The following NANS variants were observed in gnomAD, a reference collection of about 807,000 sequenced individuals.
The protein encoded by NANS is N-acetylneuraminate-9-phosphate synthase.
Under a neutral mutation model 33.3 loss-of-function variants are expected in NANS, and 29 were observed. That is an observed-to-expected ratio of 0.87 (90% CI 0.65 to 1.19). The LOEUF (loss-of-function observed/expected upper bound fraction) is 1.19, where lower values mean the gene tolerates loss of function less well. Among genes scored for constraint, NANS ranks in the 50% most tolerant of loss-of-function variants. The pLI, the probability that NANS is intolerant of heterozygous loss-of-function variation, is 0.00. For synonymous variants in NANS, 163 were observed against 177.2 expected (o/e 0.92, Z 0.64); for missense variants, 394 against 461.1 (o/e 0.85, Z 1.33).
chr9:98,061,793 TTAA>T (rs201705317), intron 2 of NANS, among the ~76,000 whole-genome samples: 40 of 146,430 alleles, frequency 2.7e-4, no homozygotes, highest in South Asian at 6.5e-4. Flanking sequence ...AAAAAAAAAA[TTAA>T]TAATAATAAT....
At chr9:98,067,993 A>T (rs1829199631) in intron 2 of NANS, among the ~76,000 whole-genome samples, 1 of 152,108 alleles carries the variant, frequency 6.6e-6, no homozygotes, top group Non-Finnish European at 1.5e-5. Flanking sequence ...AAGTGCTGGG[A>T]TTACAGGCAT....
At chr9:98,071,255 T>C (rs546491398) in intron 2 of NANS, among the ~76,000 whole-genome samples, 31 of 152,322 alleles carry the variant, frequency 2.0e-4, no homozygotes, top group African/African-American at 7.0e-4. Context: ...GTATGGTACA[T>C]ACCCCCGACT....
At chr9:98,061,690 G>A (rs927147441) in intron 2 of NANS, among the ~76,000 whole-genome samples, 2 of 150,660 alleles carry the variant, frequency 1.3e-5, no homozygotes, top group Admixed American at 1.3e-4. Flanking sequence ...TGAGGCAGGA[G>A]AATCGCTTGA....
chr9:98,077,050 G>A, intron 3 of NANS, 33 bp downstream of exon 3: 1 of 1,528,400 alleles, frequency 6.5e-7, no homozygotes, highest in Non-Finnish European at 9.0e-7. Flanking sequence ...AAAATCGAAG[G>A]GAGTCCAAAC....
chr9:98,072,473 G>A (rs1041106958), intron 2 of NANS, among the ~76,000 whole-genome samples: 1 of 151,044 alleles, frequency 6.6e-6, no homozygotes, highest in Non-Finnish European at 1.5e-5. Context: ...GTGCAGTTGC[G>A]CAATCTCTGC....
chr9:98,077,960 C>G (rs1052021125), intron 3 of NANS: 10 of 556,974 alleles, frequency 1.8e-5, no homozygotes, highest in Non-Finnish European at 2.9e-5. Context: ...CTCTTTAATT[C>G]AGTTCCTTTT....
chr9:98,078,836 G>GGA (rs34078077), intron 4 of NANS, among the ~76,000 whole-genome samples: 10 of 123,022 alleles, frequency 8.1e-5, no homozygotes, highest in East Asian at 7.2e-4. Context: ...CTCTCAGGGG[G>GGA]AAAAAAAAAA....
intron 2 of NANS, among the ~76,000 whole-genome samples, chr9:98,067,084 A>G (rs1829170288): frequency 6.6e-6 from 1 of 152,146 alleles, no homozygotes; most frequent in African/African-American, 2.4e-5. Flanking sequence ...ATATATCAGT[A>G]CTTCATTTCT....
intron 1 of NANS, among the ~76,000 whole-genome samples, chr9:98,058,434 C>T (rs1395836859): frequency 6.6e-6 from 1 of 152,150 alleles, no homozygotes; most frequent in South Asian, 2.1e-4. Flanking sequence ...GTGACTTAGG[C>T]AAGGTCACAT....
intron 5 of NANS, among the ~76,000 whole-genome samples, chr9:98,082,437 C>T (rs779849456): frequency 2.0e-5 from 3 of 152,120 alleles, no homozygotes; most frequent in South Asian, 2.1e-4. Flanking sequence ...GAATGGTAAC[C>T]AAAAGAATCA....
chr9:98,080,954 AGT>A lies in NANS; in HGVS notation c.744_745del (p.Ser248ArgfsTer36). 1 of 1,614,168 alleles carries A rather than the reference AGT, an allele frequency of 6.2e-7. No individual in the cohort carries two copies. The highest frequency in any genetic ancestry group is 1.1e-5 in the South Asian group (1 of 91,086). Reference sequence around the variant, plus strand: ...AACTTTGGACAAGACCTGGAAGGGGAGTGACCACTCGGCCTCGCTGGAGCCTG... The same window carrying A: ...AACTTTGGACAAGACCTGGAAGGGGAGACCACTCGGCCTCGCTGGAGCCTG... ...HITLDKTWKG[S>X]DHSASLEPGE... On this transcript the variant is annotated frameshift_variant, in exon 5 of 6. Transcript: ENST00000210444. LOFTEE classifies it high-confidence loss of function.
At chr9:98,081,864 TTAAAA>T (rs1444486431) in intron 5 of NANS, 6 of 151,958 alleles carry the variant, frequency 3.9e-5, no homozygotes, top group Admixed American at 3.3e-4. Flanking sequence ...TACCAGGAAA[TTAAAA>T]TAAAGTAAAA....
At chr9:98,071,663 C>T (rs1587915475) in intron 2 of NANS, among the ~76,000 whole-genome samples, 1 of 152,178 alleles carries the variant, frequency 6.6e-6, no homozygotes, top group Non-Finnish European at 1.5e-5. Context: ...TCAGTGTGAC[C>T]TTGGTGAGCC....
intron 3 of NANS, among the ~76,000 whole-genome samples, chr9:98,077,838 A>G (rs535521895): frequency 6.6e-6 from 1 of 152,304 alleles, no homozygotes; most frequent in Admixed American, 6.5e-5. Flanking sequence ...TCCACACCTC[A>G]CATTCATTCA....
intron 2 of NANS, among the ~76,000 whole-genome samples, chr9:98,061,480 T>TAAAAAA (rs1828976461): frequency 1.0e-5 from 1 of 99,972 alleles, no homozygotes; most frequent in African/African-American, 4.1e-5. Context: ...CCATCTCAAA[T>TAAAAAA]TAAAAAAAAA....
At chr9:98,060,642 G>T in intron 1 of NANS, 140 bp from the exon 2 acceptor site, 2 of 821,254 alleles carry the variant, frequency 2.4e-6, no homozygotes, top group Non-Finnish European at 3.9e-6. Flanking sequence ...CTGCACTCCA[G>T]CCTGGGTGAA....
intron 4 of NANS, among the ~76,000 whole-genome samples, chr9:98,080,039 C>T (rs1403212395): frequency 1.3e-5 from 2 of 152,140 alleles, no homozygotes; most frequent in Admixed American, 6.5e-5. Context: ...TGTGGCGAAA[C>T]CCTGTCTCTA....
intron 1 of NANS, among the ~76,000 whole-genome samples, chr9:98,060,265 G>A (rs1049650902): frequency 6.6e-6 from 1 of 152,188 alleles, no homozygotes; most frequent in African/African-American, 2.4e-5. Context: ...AAAATAGGGG[G>A]AGGTCTCCCA....
At chr9:98,079,069 GC>G (rs1171029174) in intron 4 of NANS, among the ~76,000 whole-genome samples, 1 of 152,022 alleles carries the variant, frequency 6.6e-6, no homozygotes. Flanking sequence ...TATAGTGACA[GC>G]CTTGATGGAA....
Sources: gnomAD v4.1 joint callset for allele counts (sites outside exome capture counted in the v4.1 genomes callset) on GRCh38, gnomAD v4.1.1 for gene constraint, MANE v1.5 for transcripts, NCBI Gene and HGNC (gene_info 2026-07-23, HGNC 2026-07-21) for gene names.